Variants in ALK observed in about 807,000 individuals in gnomAD.
The protein encoded by ALK is ALK receptor tyrosine kinase.
In ALK, 74 loss-of-function variants were observed where a neutral mutation model predicts 163.1. The ratio of observed to expected loss-of-function variants is 0.45; its 90% CI spans 0.38 to 0.55. The LOEUF (loss-of-function observed/expected upper bound fraction) is 0.55, where lower values mean the gene tolerates loss of function less well. ALK is among the 20% of genes least tolerant of loss of function. The pLI is 0.00. For synonymous variants in ALK, 960 were observed against 843.2 expected, an observed-to-expected ratio of 1.14 and a Z score of -2.40; for missense variants, 2,063 against 2,105.3, an observed-to-expected ratio of 0.98 and a Z score of 0.39.
At chr2:29,439,518 T>G (rs143024144) in intron 4 of ALK, among the ~76,000 whole-genome samples, 1 of 152,304 alleles carries the variant, frequency 6.6e-6, no homozygotes, top group African/African-American at 2.4e-5. Context: ...AGACGGCTCC[T>G]ACTCAGGTTC....
At chr2:29,705,287 A>ATATCTATC (rs1358711305) in intron 2 of ALK, among the ~76,000 whole-genome samples, 8 of 117,634 alleles carry the variant, frequency 6.8e-5, no homozygotes, top group African/African-American at 2.4e-4. Flanking sequence ...ATATAAATAT[A>ATATCTATC]TATCTGCTGT....
chr2:29,849,294 C>A (rs1209671221), intron 1 of ALK, among the ~76,000 whole-genome samples: 1 of 152,244 alleles, frequency 6.6e-6, no homozygotes, highest in Non-Finnish European at 1.5e-5. Flanking sequence ...TTCAAGCCCA[C>A]CCCTGGCTTT....
intron 3 of ALK, among the ~76,000 whole-genome samples, chr2:29,541,345 T>G (rs1673407457): frequency 6.6e-6 from 1 of 152,206 alleles, no homozygotes; most frequent in Non-Finnish European, 1.5e-5. Context: ...TGCTCTGGAG[T>G]GCAGTGGCAC....
At chr2:29,283,852 C>T (rs1665777672) in intron 9 of ALK, among the ~76,000 whole-genome samples, 1 of 152,054 alleles carries the variant, frequency 6.6e-6, no homozygotes, top group African/African-American at 2.4e-5. Context: ...GACATCTCTC[C>T]CCCTCTTTCT....
At chr2:29,346,384 C>T (rs76819218) in intron 5 of ALK, among the ~76,000 whole-genome samples, 3,790 of 152,298 alleles carry the variant, frequency 0.025, 166 homozygotes, top group African/African-American at 0.086. Flanking sequence ...TGACCCACTC[C>T]CTACAGCATC....
At chr2:29,384,768 T>C (rs1668988627) in intron 4 of ALK, among the ~76,000 whole-genome samples, 1 of 152,200 alleles carries the variant, frequency 6.6e-6, no homozygotes, top group South Asian at 2.1e-4. Context: ...TATTGAGGTA[T>C]AATTGATGTA....
intron 1 of ALK, among the ~76,000 whole-genome samples, chr2:29,906,018 G>A (rs936491275): frequency 5.9e-5 from 9 of 152,190 alleles, no homozygotes; most frequent in Admixed American, 1.3e-4. Flanking sequence ...CATGCCTACC[G>A]CTAAACTGCA....
intron 1 of ALK, among the ~76,000 whole-genome samples, chr2:29,871,492 A>T (rs576793160): frequency 1.6e-4 from 24 of 152,324 alleles, no homozygotes; most frequent in South Asian, 8.3e-4. Context: ...GCTTAGGGCC[A>T]TTAGGCACAA....
intron 1 of ALK, among the ~76,000 whole-genome samples, chr2:29,785,912 TACACACACACACACACACACACAC>T (rs10524599): frequency 6.8e-6 from 1 of 146,624 alleles, no homozygotes; most frequent in Non-Finnish European, 1.5e-5. Flanking sequence ...TTTTTGAGTA[TACACACACACACACACACACACAC>T]ACACACACAC....
chr2:29,662,818 C>G (rs1677390746), intron 3 of ALK, among the ~76,000 whole-genome samples: 2 of 152,074 alleles, frequency 1.3e-5, no homozygotes, highest in African/African-American at 4.8e-5. Context: ...ATTTGTGTGC[C>G]TGCTTTTATA....
chr2:29,684,855 A>G (rs973654179), intron 3 of ALK, among the ~76,000 whole-genome samples: 5 of 152,206 alleles, frequency 3.3e-5, no homozygotes, highest in Non-Finnish European at 7.3e-5. Flanking sequence ...TCTGACTGCA[A>G]TATACTGGCT....
intron 3 of ALK, among the ~76,000 whole-genome samples, chr2:29,562,294 C>T (rs1421790884): frequency 6.6e-6 from 1 of 152,220 alleles, no homozygotes. Flanking sequence ...TGGACAAAGA[C>T]TGATTCAGTC....
chr2:29,740,468 T>C (rs1680026705), intron 1 of ALK, among the ~76,000 whole-genome samples: 1 of 151,054 alleles, frequency 6.6e-6, no homozygotes, highest in African/African-American at 2.5e-5. Flanking sequence ...AAAAACATGG[T>C]TATTTGTCCT....
At chr2:29,517,284 T>G (rs1444167006) in intron 4 of ALK, among the ~76,000 whole-genome samples, 1 of 152,098 alleles carries the variant, frequency 6.6e-6, no homozygotes, top group African/African-American at 2.4e-5. Flanking sequence ...CTTACGTTGC[T>G]GATAATCATA....
intron 4 of ALK, among the ~76,000 whole-genome samples, chr2:29,477,744 G>A (rs2148115760): frequency 6.6e-6 from 1 of 152,298 alleles, no homozygotes. Context: ...GAGGCTCTGT[G>A]TGGGCAGGGG....
chr2:29,475,044 G>A (rs574235210), intron 4 of ALK, among the ~76,000 whole-genome samples: 208 of 152,100 alleles, frequency 1.4e-3, no homozygotes, highest in Non-Finnish European at 2.3e-3. Flanking sequence ...CCCTGCTCCT[G>A]CATTCCTTCT....
intron 4 of ALK, among the ~76,000 whole-genome samples, chr2:29,400,498 C>A (rs1669417230): frequency 6.6e-6 from 1 of 152,146 alleles, no homozygotes; most frequent in South Asian, 2.1e-4. Flanking sequence ...TCCCAGGGGA[C>A]CCCTCCTTAC....
At chr2:29,508,425 T>G (rs904545804) in intron 4 of ALK, among the ~76,000 whole-genome samples, 4 of 151,986 alleles carry the variant, frequency 2.6e-5, no homozygotes, top group Admixed American at 6.5e-5. Context: ...AAACCATCAT[T>G]CTCAGCAAAC....
intron 1 of ALK, among the ~76,000 whole-genome samples, chr2:29,832,491 T>A (rs1665446529): frequency 6.6e-6 from 1 of 152,230 alleles, no homozygotes; most frequent in African/African-American, 2.4e-5. Flanking sequence ...AGGGTGCACA[T>A]GAGAGTGAGT....
Sources: allele counts gnomAD v4.1 joint callset (sites outside exome capture counted in the v4.1 genomes callset), GRCh38; gene constraint gnomAD v4.1.1; transcripts MANE v1.5; gene names NCBI Gene and HGNC (gene_info 2026-07-23, HGNC 2026-07-21).